Variants in RBFOX1 observed in about 807,000 individuals in gnomAD.
RBFOX1 encodes RNA binding fox-1 homolog 1.
A neutral mutation model predicts 57.7 loss-of-function variants in RBFOX1; 8 were observed. The ratio of observed to expected loss-of-function variants is 0.14; its 90% confidence interval spans 0.08 to 0.25. The LOEUF is 0.25. Ranked by LOEUF, RBFOX1 falls within the 10% of genes least tolerant of loss-of-function variation. The probability of loss-of-function intolerance (pLI) is 1.00; values close to 1 mark genes in which losing one functional copy is unlikely to be tolerated. For synonymous variants in RBFOX1, 326 were observed against 222.4 expected, an observed-to-expected ratio of 1.47 and a Z score of -4.15; for missense variants, 611 against 548.5, an observed-to-expected ratio of 1.11 and a Z score of -1.14.
intron 2 of RBFOX1, among the ~76,000 whole-genome samples, chr16:6,333,192 A>T (rs928305093): frequency 6.6e-6 from 1 of 152,114 alleles, no homozygotes; most frequent in Non-Finnish European, 1.5e-5. Context: ...GTCATGTGCC[A>T]CCATGTCCAG....
In RBFOX1 at chr16:7,138,557, G is replaced by A. The variant is rs541081862; in HGVS notation, c.27+86459G>A. 9.7e-4 allele frequency among the ~76,000 whole-genome samples: 148 copies of A among 152,244 alleles called. 1 individual carries two copies. The highest frequency in any genetic ancestry group is 3.4e-3 in the Middle Eastern group (1 of 292). On this transcript the variant is annotated intron_variant, in intron 4 of 15. Transcript: ENST00000550418. ...CAGTTTTGTGTTATTGTGAAACAAC[G>A]TTAATTTTATCCTCATCCCCACTTT...
At chr16:7,526,915 A>G (rs2078834330) in intron 5 of RBFOX1, among the ~76,000 whole-genome samples, 1 of 152,234 alleles carries the variant, frequency 6.6e-6, no homozygotes, top group Non-Finnish European at 1.5e-5. Context: ...CTGGAAGCCC[A>G]GAAGGCATCC....
chr16:6,581,060 T>A (rs2097530672), intron 2 of RBFOX1, among the ~76,000 whole-genome samples: 1 of 152,136 alleles, frequency 6.6e-6, no homozygotes, highest in Admixed American at 6.5e-5. Context: ...CCCACTTCAT[T>A]TTCTTTTCCC....
In RBFOX1 at chr16:7,328,035, C is replaced by G. The variant is rs147893594; in HGVS notation, c.28-190112C>G. On this transcript the variant is annotated intron_variant, in intron 4 of 15. Coordinates refer to ENST00000550418, the MANE Select transcript of RBFOX1 (RefSeq NM_018723.4). ...TCATTGACGTCTAAACTTTGAGAGG[C>G]TACCACTCAGAAGGGCCAGTCACTT... is the stretch of plus-strand genomic sequence containing the variant. Among the ~76,000 whole-genome samples, 10 of 152,262 alleles carry G rather than the reference C, an allele frequency of 6.6e-5. No individual in the cohort carries two copies. In the South Asian group the frequency reaches 2.1e-3, roughly 32 times the overall value.
chr16:5,803,495 C>T lies in RBFOX1; in HGVS notation c.319-63808C>T, dbSNP rs79837472. Among the ~76,000 whole-genome samples, 583 of 152,278 alleles carry T rather than the reference C, an allele frequency of 3.8e-3. 2 individuals carry two copies. The highest frequency in any genetic ancestry group is 0.014 in the African/African-American group (563 of 41,546). On this transcript the variant is annotated intron_variant, in intron 3 of 19. Coordinates refer to the RBFOX1 transcript ENST00000641259. Reference sequence around the variant, plus strand: ...TCCTCATCCATTTTTAATAACGGTGCTACTTTCTTTGTGAGATTGCAGTAA... The same window carrying T: ...TCCTCATCCATTTTTAATAACGGTGTTACTTTCTTTGTGAGATTGCAGTAA...
At chr16:6,507,215 C>T (rs188276123) in intron 2 of RBFOX1, among the ~76,000 whole-genome samples, 1 of 152,144 alleles carries the variant, frequency 6.6e-6, no homozygotes, top group African/African-American at 2.4e-5. Context: ...TTCCTCCAAT[C>T]CATTATACAC....
At chr16:5,524,267 C>T (rs577028259) in intron 2 of RBFOX1, among the ~76,000 whole-genome samples, 433 of 152,236 alleles carry the variant, frequency 2.8e-3, no homozygotes, top group Non-Finnish European at 4.9e-3. Flanking sequence ...GACATATTTC[C>T]GTGCTGTGTT....
At chr16:6,127,271 C>A (rs1422377528) in intron 1 of RBFOX1, among the ~76,000 whole-genome samples, 3 of 144,938 alleles carry the variant, frequency 2.1e-5, no homozygotes, top group Non-Finnish European at 4.4e-5. Flanking sequence ...ATTATTTTGT[C>A]TCTCTCTTTT....
At chr16:6,807,747 T>C (rs2087224213) in intron 3 of RBFOX1, among the ~76,000 whole-genome samples, 1 of 151,990 alleles carries the variant, frequency 6.6e-6, no homozygotes, top group Non-Finnish European at 1.5e-5. Context: ...ATCCAGGAGA[T>C]GGAGGTTGTA....
chr16:5,756,030 G>T (rs918310031), intron 3 of RBFOX1, among the ~76,000 whole-genome samples: 1 of 152,080 alleles, frequency 6.6e-6, no homozygotes, highest in South Asian at 2.1e-4. Flanking sequence ...ATTTGCTGCA[G>T]TGGAAAGCCA....
chr16:7,684,373 C>G (rs1289522801), intron 14 of RBFOX1, among the ~76,000 whole-genome samples: 1 of 152,030 alleles, frequency 6.6e-6, no homozygotes, highest in Non-Finnish European at 1.5e-5. Flanking sequence ...GGGGCAAAAA[C>G]TAGGGAGAAT....
rs3029164 is a variant in RBFOX1, at chr16:7,589,912, GGTGT to G, written c.468+2649_468+2652del. On this transcript the variant is annotated intron_variant, in intron 7 of 15. Transcript: ENST00000550418. ...TCAATGCTGAAGGCTGTGTGTGCTG[GGTGT>G]GTGTGTGTGTGTGTGTGTGTGTGTG... 3.9e-3 allele frequency among the ~76,000 whole-genome samples: 521 copies of G among 135,040 alleles called. 5 individuals are homozygous for G. Among genetic ancestry groups the G allele is most frequent in the South Asian group, 0.016 (60 of 3,698 alleles). The allele number at this position is 135,040 out of a possible 152,430, so 88.6% of individuals were successfully genotyped here. A position where few individuals can be genotyped will look rare whatever the true frequency, so the allele number is the denominator to read the frequency against.
At chr16:5,529,522 A>T (rs573878231) in intron 2 of RBFOX1, among the ~76,000 whole-genome samples, 1 of 150,402 alleles carries the variant, frequency 6.6e-6, no homozygotes, top group African/African-American at 2.4e-5. Context: ...TCAGCCTCCC[A>T]TGTAGCTGGG....
At chr16:7,195,822 G>A (rs1005367780) in intron 4 of RBFOX1, among the ~76,000 whole-genome samples, 19 of 152,098 alleles carry the variant, frequency 1.2e-4, no homozygotes, top group African/African-American at 4.1e-4. Flanking sequence ...CAAAGTGCTG[G>A]GGTTACAGGC....
At chr16:6,638,955 T>G (rs1193400120) in intron 2 of RBFOX1, among the ~76,000 whole-genome samples, 1 of 152,166 alleles carries the variant, frequency 6.6e-6, no homozygotes, top group Non-Finnish European at 1.5e-5. Flanking sequence ...ACAGAAAATA[T>G]TGCTTCCCAA....
intron 2 of RBFOX1, among the ~76,000 whole-genome samples, chr16:6,530,376 G>C (rs940471870): frequency 6.6e-6 from 1 of 152,136 alleles, no homozygotes; most frequent in East Asian, 1.9e-4. Context: ...AGCCAGTTTG[G>C]TGCTACATTC....
intron 3 of RBFOX1, among the ~76,000 whole-genome samples, chr16:5,863,531 C>T (rs1368048315): frequency 2.0e-5 from 3 of 152,168 alleles, no homozygotes; most frequent in African/African-American, 4.8e-5. Flanking sequence ...CACAGTGGGT[C>T]GTGACAAACC....
At chr16:5,587,739 G>A (rs1031482601) in intron 2 of RBFOX1, among the ~76,000 whole-genome samples, 1 of 152,094 alleles carries the variant, frequency 6.6e-6, no homozygotes, top group African/African-American at 2.4e-5. Context: ...TTTAAGTATT[G>A]ATGAGAATAT....
At chr16:6,022,054 T>G (rs2095090855) in intron 1 of RBFOX1, among the ~76,000 whole-genome samples, 1 of 152,146 alleles carries the variant, frequency 6.6e-6, no homozygotes, top group Admixed American at 6.5e-5. Flanking sequence ...GCTCTCCCAT[T>G]CTGCTCTCTG....
Sources: allele counts gnomAD v4.1 joint callset (sites outside exome capture counted in the v4.1 genomes callset), GRCh38; gene constraint gnomAD v4.1.1; transcripts MANE v1.5; gene names NCBI Gene and HGNC (gene_info 2026-07-23, HGNC 2026-07-21).